Variants in SLC1A1 observed in about 807,000 individuals in gnomAD.
SLC1A1 encodes solute carrier family 1 member 1.
SLC1A1 carries 43 observed loss-of-function variants against 53.3 expected under a neutral mutation model. The observed-to-expected ratio is 0.81, with a 90% confidence interval of 0.63 to 1.04. The LOEUF (loss-of-function observed/expected upper bound fraction) is 1.04, where lower values mean the gene tolerates loss of function less well. Among genes scored for constraint, SLC1A1 ranks in the 50% least tolerant of loss-of-function variants. The pLI is 0.00. For missense variants in SLC1A1, 748 were observed against 664.9 expected (o/e 1.12, Z -1.37); for synonymous variants, 307 against 243.2 (o/e 1.26, Z -2.44).
chr9:4,585,466 G>A lies in SLC1A1; in HGVS notation c.1483G>A (p.Glu495Lys), dbSNP rs764152210. ...CTTGGAATCCACAATCCTTGACAAC[G>A]AAGACTCAGACACCAAGAAGTCTTA... ...FALESTILDN[E>K]DSDTKKSYVN... Residue 495 changes from glutamate to lysine, a missense_variant, in exon 12 of 12, where the codon GAA (glutamate) becomes AAA (lysine). Coordinates refer to ENST00000262352, the MANE Select transcript of SLC1A1 (RefSeq NM_004170.6). 15 of 1,614,074 alleles carry A rather than the reference G, an allele frequency of 9.3e-6. No individual in the cohort carries two copies. The highest frequency in any genetic ancestry group is 5.0e-5 in the Admixed American group (3 of 60,004).
rs752288061 is a variant in SLC1A1 at position 4,490,729 on chromosome 9, A to G, written c.50A>G (p.Asn17Ser). The G allele has an allele frequency of 6.2e-7, 1 of 1,612,848 alleles. No homozygotes were observed. Among genetic ancestry groups the G allele is most frequent in the East Asian group, 2.2e-5 (1 of 44,810 alleles). Residue 17 changes from asparagine (N) to serine (S), a missense_variant, in exon 1 of 12, where the codon AAT becomes AGT. Asn to Ser is a conservative substitution (Grantham distance 46). Coordinates refer to ENST00000262352, the MANE Select transcript of SLC1A1 (RefSeq NM_004170.6). Reference sequence around the variant, plus strand: ...TGCGAGTGGAAGCGCTTCCTGAAGAATAACTGGGTGTTGCTGTCCACCGTG... The same window carrying G: ...TGCGAGTGGAAGCGCTTCCTGAAGAGTAACTGGGTGTTGCTGTCCACCGTG... ...KGCEWKRFLKNNWVLLSTVAA... is the reference protein window; with the variant it reads ...KGCEWKRFLKSNWVLLSTVAA...
intron 1 of SLC1A1, among the ~76,000 whole-genome samples, chr9:4,513,000 A>T (rs897513855): frequency 2.6e-5 from 4 of 152,190 alleles, no homozygotes; most frequent in African/African-American, 9.6e-5. Flanking sequence ...AACAAATGGT[A>T]TTGGAACAAC....
intron 5 of SLC1A1, 83 bp from the exon 6 acceptor site, chr9:4,567,586 A>G: frequency 1.2e-6 from 1 of 865,020 alleles, no homozygotes; most frequent in Non-Finnish European, 1.9e-6. Context: ...TGGCCAAAAT[A>G]ACATGTTCCT....
intron 1 of SLC1A1, among the ~76,000 whole-genome samples, chr9:4,515,187 T>A (rs1366434404): frequency 1.3e-5 from 2 of 152,064 alleles, no homozygotes; most frequent in African/African-American, 4.8e-5. Flanking sequence ...AGAAAACTAA[T>A]CAGATGCTGG....
intron 1 of SLC1A1, among the ~76,000 whole-genome samples, chr9:4,497,876 G>A (rs569905412): frequency 2.0e-5 from 3 of 152,122 alleles, no homozygotes; most frequent in South Asian, 2.1e-4. Flanking sequence ...AACAAGAAAG[G>A]GACTTAGATT....
intron 2 of SLC1A1, among the ~76,000 whole-genome samples, chr9:4,551,529 T>A (rs1321644512): frequency 6.6e-6 from 1 of 152,232 alleles, no homozygotes; most frequent in Non-Finnish European, 1.5e-5. Context: ...TGCTATTAAA[T>A]GTAAGCTACT....
intron 5 of SLC1A1, 81 bp from the exon 6 acceptor site, chr9:4,567,588 C>T: frequency 1.1e-6 from 1 of 874,784 alleles, no homozygotes; most frequent in Non-Finnish European, 1.9e-6. Context: ...GCCAAAATAA[C>T]ATGTTCCTGT....
At chr9:4,538,576 A>T (rs1440189129) in intron 1 of SLC1A1, among the ~76,000 whole-genome samples, 1 of 152,206 alleles carries the variant, frequency 6.6e-6, no homozygotes, top group Non-Finnish European at 1.5e-5. Flanking sequence ...GATGTATTTG[A>T]GTTGATTAGT....
At chr9:4,491,032 G>T (rs181974164) in intron 1 of SLC1A1, among the ~76,000 whole-genome samples, 4 of 152,326 alleles carry the variant, frequency 2.6e-5, no homozygotes, top group Non-Finnish European at 5.9e-5. Context: ...TGATCAAAGG[G>T]GCTTGGGGGT....
In SLC1A1 at chr9:4,575,673, A is replaced by G. The variant is rs12551465; in HGVS notation, c.876-328A>G. Reference sequence around the variant, plus strand: ...AAGAGGAGAAGAACTGAGCAGCAACAGAAGGAAAAAAGGGCACTTTTGTGC... The same window carrying G: ...AAGAGGAGAAGAACTGAGCAGCAACGGAAGGAAAAAAGGGCACTTTTGTGC... On this transcript the variant is annotated intron_variant, in intron 8 of 11. Transcript: ENST00000262352. Among the ~76,000 whole-genome samples, 58,027 of 152,068 alleles carry G rather than the reference A, an allele frequency of 0.38. 11,687 individuals carry two copies. Among genetic ancestry groups the G allele is most frequent in the Middle Eastern group, 0.5 (148 of 294 alleles).
intron 2 of SLC1A1, among the ~76,000 whole-genome samples, chr9:4,558,891 T>C (rs888600671): frequency 6.6e-6 from 1 of 152,176 alleles, no homozygotes; most frequent in Admixed American, 6.5e-5. Context: ...TTGGAGTCTG[T>C]TAAGGTGGTG....
At chr9:4,521,054 G>A (rs1034378274) in intron 1 of SLC1A1, among the ~76,000 whole-genome samples, 1 of 151,910 alleles carries the variant, frequency 6.6e-6, no homozygotes, top group Non-Finnish European at 1.5e-5. Flanking sequence ...TATGCTTACT[G>A]TCCATTTGTA....
chr9:4,506,214 C>A (rs1350651165), intron 1 of SLC1A1, among the ~76,000 whole-genome samples: 1 of 152,204 alleles, frequency 6.6e-6, no homozygotes, highest in Non-Finnish European at 1.5e-5. Flanking sequence ...GCCTCAGCCT[C>A]CCAAAGTGCT....
chr9:4,581,883 A>C (rs979622592), intron 10 of SLC1A1, among the ~76,000 whole-genome samples: 1 of 152,244 alleles, frequency 6.6e-6, no homozygotes, highest in Non-Finnish European at 1.5e-5. Flanking sequence ...ACACCTCAGT[A>C]GGCAGATGAA....
intron 1 of SLC1A1, among the ~76,000 whole-genome samples, chr9:4,530,396 G>C (rs1023196231): frequency 6.6e-6 from 1 of 152,154 alleles, no homozygotes; most frequent in African/African-American, 2.4e-5. Context: ...ATTCAGGAGC[G>C]GCTTCAAGAT....
At position 4,576,206 on chromosome 9, in the gene SLC1A1, C is replaced by T. The variant is rs534271188; in HGVS notation, c.998+83C>T. On this transcript the variant is annotated intron_variant, in intron 9 of 11. Coordinates refer to ENST00000262352, the MANE Select transcript of SLC1A1 (RefSeq NM_004170.6). ...CCTCACTTTACAAAACAGACTCCAGCTTGCGGTTTTTGTAGCTGTCTTTGA... is the reference window on the plus strand; with the variant it reads ...CCTCACTTTACAAAACAGACTCCAGTTTGCGGTTTTTGTAGCTGTCTTTGA... 555 of 1,414,964 alleles carry T rather than the reference C, an allele frequency of 3.9e-4. 2 individuals carry two copies. In the Middle Eastern group the frequency reaches 6.4e-3, roughly 16 times the overall value. The allele number at this position is 1,414,964 out of a possible 1,614,324, so 87.7% of individuals were successfully genotyped here.
intron 1 of SLC1A1, among the ~76,000 whole-genome samples, chr9:4,496,140 A>G (rs181358028): frequency 2.4e-4 from 37 of 152,224 alleles, no homozygotes; most frequent in Middle Eastern, 3.4e-3. Context: ...GGACAACCCC[A>G]ACATTGGAGG....
At chr9:4,555,990 ATTT>A (rs71326117) in intron 2 of SLC1A1, among the ~76,000 whole-genome samples, 9 of 141,972 alleles carry the variant, frequency 6.3e-5, no homozygotes, top group Non-Finnish European at 7.7e-5. Context: ...TACTAGCCCT[ATTT>A]TTTTTTTTTT....
intron 1 of SLC1A1, among the ~76,000 whole-genome samples, chr9:4,524,178 C>T (rs761740207): frequency 3.9e-5 from 6 of 152,170 alleles, no homozygotes; most frequent in Non-Finnish European, 7.3e-5. Context: ...TTTAATATAA[C>T]AAGTTCTTGA....
Sources: allele counts gnomAD v4.1 joint callset (sites outside exome capture counted in the v4.1 genomes callset), GRCh38; gene constraint gnomAD v4.1.1; transcripts MANE v1.5; gene names NCBI Gene and HGNC (gene_info 2026-07-23, HGNC 2026-07-21).